Variants in OTUD7A observed in about 807,000 individuals in gnomAD.
OTUD7A encodes the protein OTU domain-containing protein 7A.
A neutral mutation model predicts 65.7 loss-of-function variants in OTUD7A; 12 were observed. That is an observed-to-expected ratio of 0.18 (90% CI 0.12 to 0.30). The LOEUF (loss-of-function observed/expected upper bound fraction) is 0.30. Among genes scored for constraint, OTUD7A ranks in the 10% least tolerant of loss-of-function variants. The pLI is 1.00. For synonymous variants in OTUD7A, 641 were observed against 586.3 expected (o/e 1.09, Z -1.35); for missense variants, 1,148 against 1,304.8 (o/e 0.88, Z 1.85).
chr15:31,554,640 G>A (rs999589096), intron 5 of OTUD7A, among the ~76,000 whole-genome samples: 13 of 152,208 alleles, frequency 8.5e-5, no homozygotes, highest in Admixed American at 7.8e-4. Flanking sequence ...AGTGACTCCT[G>A]CATTACACAA....
In OTUD7A at chr15:31,753,681, TGTGAG is replaced by T. The variant is rs1567004699; in HGVS notation, c.-99-96609_-99-96605del. Among the ~76,000 whole-genome samples the T allele has an allele frequency of 1.6e-3, 128 of 79,398 alleles. 5 individuals are homozygous for T. Among genetic ancestry groups the T allele is most frequent in the African/African-American group, 6.7e-3 (122 of 18,270 alleles). The allele number at this position is 79,398 out of a possible 152,430, so 52.1% of individuals were successfully genotyped here. A position where few individuals can be genotyped will look rare whatever the true frequency, so the allele number is the denominator to read the frequency against. ...TTCCATCATATATATATATATAACC[TGTGAG>T]ATATATATATATATATTATATATAT... On this transcript the variant is annotated intron_variant, in intron 1 of 12. Coordinates refer to ENST00000307050, the MANE Select transcript of OTUD7A (RefSeq NM_001382637.1).
intron 1 of OTUD7A, among the ~76,000 whole-genome samples, chr15:31,792,621 A>C (rs1895847396): frequency 6.6e-6 from 1 of 152,124 alleles, no homozygotes; most frequent in Non-Finnish European, 1.5e-5. Flanking sequence ...CTGACTCCTC[A>C]GTCTGAGGCA....
chr15:31,713,428 G>A (rs1225685608), intron 1 of OTUD7A, among the ~76,000 whole-genome samples: 1 of 152,114 alleles, frequency 6.6e-6, no homozygotes, highest in Non-Finnish European at 1.5e-5. Flanking sequence ...AGACAAGCTT[G>A]GGCAACATGG....
chr15:31,814,142 C>A (rs887122072), intron 1 of OTUD7A, among the ~76,000 whole-genome samples: 10 of 152,246 alleles, frequency 6.6e-5, no homozygotes, highest in Non-Finnish European at 1.2e-4. Context: ...CTATAATCAG[C>A]CAAGGGCTGT....
At chr15:31,507,811 G>A (rs1009659939) in intron 8 of OTUD7A, among the ~76,000 whole-genome samples, 1 of 152,190 alleles carries the variant, frequency 6.6e-6, no homozygotes, top group Admixed American at 6.5e-5. Context: ...GCTACAGAGT[G>A]CTGATTGGTG....
At chr15:31,576,083 C>T (rs1889194964) in intron 3 of OTUD7A, among the ~76,000 whole-genome samples, 1 of 152,212 alleles carries the variant, frequency 6.6e-6, no homozygotes, top group African/African-American at 2.4e-5. Context: ...AAACCTGCCT[C>T]CCATTTTATT....
chr15:31,552,343 A>C (rs1888352270), intron 5 of OTUD7A, among the ~76,000 whole-genome samples: 1 of 152,220 alleles, frequency 6.6e-6, no homozygotes. Flanking sequence ...AGGATTTGAG[A>C]CACCACAGGT....
intron 10 of OTUD7A, among the ~76,000 whole-genome samples, chr15:31,491,064 C>T (rs752359920): frequency 6.6e-6 from 1 of 152,000 alleles, no homozygotes; most frequent in African/African-American, 2.4e-5. Context: ...GCAGTCTTTA[C>T]TGTCCTACTC....
rs559276096 is a variant in OTUD7A at position 31,677,871 on chromosome 15, G to A, written c.-99-20794C>T. Among the ~76,000 whole-genome samples, 4 of 152,342 alleles carry A rather than the reference G, an allele frequency of 2.6e-5. No individual in the cohort carries two copies. The South Asian group carries it at 8.3e-4, about 32-fold the overall frequency. On this transcript the variant is annotated intron_variant, in intron 1 of 12. Coordinates refer to ENST00000307050, the MANE Select transcript of OTUD7A (RefSeq NM_001382637.1). ...GTGACTTTAGAACTGGGTACAGGCA[G>A]AAGTTGGAACAGTTTGGAGGGCTCA...
intron 1 of OTUD7A, among the ~76,000 whole-genome samples, chr15:31,800,267 C>T (rs947977566): frequency 9.9e-5 from 15 of 152,150 alleles, no homozygotes; most frequent in African/African-American, 3.4e-4. Context: ...CCTAGACGCG[C>T]AGCATGTTTC....
At chr15:31,610,728 T>A (rs1315043531) in intron 3 of OTUD7A, among the ~76,000 whole-genome samples, 1 of 145,740 alleles carries the variant, frequency 6.9e-6, no homozygotes, top group Non-Finnish European at 1.5e-5. Context: ...TTCACGCCAT[T>A]CTCCTGCCTC....
At chr15:31,562,514 C>T (rs1478948812) in intron 4 of OTUD7A, among the ~76,000 whole-genome samples, 1 of 152,134 alleles carries the variant, frequency 6.6e-6, no homozygotes, top group African/African-American at 2.4e-5. Context: ...CTTCCCCTCA[C>T]TCCTATCTCC....
At chr15:31,826,390 G>A (rs1040669111) in intron 1 of OTUD7A, among the ~76,000 whole-genome samples, 21 of 152,216 alleles carry the variant, frequency 1.4e-4, no homozygotes, top group African/African-American at 2.9e-4. Flanking sequence ...AGAGCTCTGC[G>A]TTGGCCCCTT....
intron 1 of OTUD7A, among the ~76,000 whole-genome samples, chr15:31,742,607 T>C (rs569766160): frequency 3.4e-4 from 51 of 152,226 alleles, no homozygotes; most frequent in African/African-American, 1.2e-3. Flanking sequence ...AACATATACA[T>C]AATTGAATTA....
chr15:31,780,410 AT>A (rs1442665460), intron 1 of OTUD7A, among the ~76,000 whole-genome samples: 4 of 152,272 alleles, frequency 2.6e-5, no homozygotes, highest in Non-Finnish European at 5.9e-5. Context: ...TAAAAAAAGT[AT>A]AAAAAACCTA....
intron 1 of OTUD7A, among the ~76,000 whole-genome samples, chr15:31,830,457 G>A (rs554621293): frequency 6.6e-6 from 1 of 152,340 alleles, no homozygotes; most frequent in South Asian, 2.1e-4. Context: ...ATGACCTTGA[G>A]GGGTACTGTC....
In OTUD7A at chr15:31,484,135, T is replaced by C; in HGVS notation, c.1961A>G (p.His654Arg). ...GCCGATCATCTCCTCGTGGAACTGG[T>C]GCCGGTGGCTGGTGAGCAGCAGGCC... Reference protein sequence around the residue: ...FAGLLLTSHRHQFHEEMIGYY... With the variant: ...FAGLLLTSHRRQFHEEMIGYY... The change falls in exon 13 of 13, where the codon CAC (histidine) becomes CGC (arginine). Residue 654 changes from histidine to arginine, a missense_variant. Transcript: ENST00000307050. This position sits in a 1 kb window ranked among gnomAD's most constrained non-coding sequence, Gnocchi z 4.5. 1 of 1,609,414 alleles carries C rather than the reference T, an allele frequency of 6.2e-7. No homozygotes were observed. Among genetic ancestry groups the C allele is most frequent in the Non-Finnish European group, 8.5e-7 (1 of 1,179,512 alleles).
chr15:31,710,793 T>C (rs1010039932), intron 1 of OTUD7A, among the ~76,000 whole-genome samples: 3 of 152,236 alleles, frequency 2.0e-5, no homozygotes, highest in Admixed American at 6.5e-5. Context: ...TTGCTGTCCA[T>C]AGAAGCAGTC....
At position 31,484,452 on chromosome 15, in the gene OTUD7A, G is replaced by C. The variant is rs769629767; in HGVS notation, c.1644C>G (p.Gly548=). The change falls in exon 13 of 13, where the codon GGC becomes GGG. Residue 548 remains glycine (G), a synonymous_variant. Transcript: ENST00000307050. The surrounding 1 kb of genome is among the most constrained non-coding windows in gnomAD (Gnocchi z 4.5). ...NMGGLGGLVH[G]KMGRANSANG... Reference sequence around the variant, plus strand: ...TGGCGGAGTTGGCGCGGCCCATCTTGCCGTGCACCAGGCCGCCGAGGCCGC... The same window carrying C: ...TGGCGGAGTTGGCGCGGCCCATCTTCCCGTGCACCAGGCCGCCGAGGCCGC... 1 of 1,604,640 alleles carries C rather than the reference G, an allele frequency of 6.2e-7. No homozygotes were observed. Among genetic ancestry groups the C allele is most frequent in the Non-Finnish European group, 8.5e-7 (1 of 1,179,912 alleles).
Sources: allele counts gnomAD v4.1 joint callset (sites outside exome capture counted in the v4.1 genomes callset), GRCh38; gene constraint gnomAD v4.1.1; non-coding constraint Gnocchi (gnomAD v3.1); transcripts MANE v1.5; gene names NCBI Gene and HGNC (gene_info 2026-07-23, HGNC 2026-07-21).